Variants in HMGN1 observed in about 807,000 individuals in gnomAD.
HMGN1 encodes high mobility group nucleosome binding domain 1, also known as non-histone chromosomal protein HMG-14.
Under a neutral mutation model 18.4 loss-of-function variants are expected in HMGN1, and 9 were observed. The ratio of observed to expected loss-of-function variants is 0.49; its 90% CI spans 0.29 to 0.85. The LOEUF (loss-of-function observed/expected upper bound fraction) is 0.85, where lower values mean the gene tolerates loss of function less well. Among genes scored for constraint, HMGN1 ranks in the 40% least tolerant of loss-of-function variants. The probability of loss-of-function intolerance (pLI) is 0.07; values close to 1 mark genes in which losing one functional copy is unlikely to be tolerated. For missense variants in HMGN1, 151 were observed against 119.2 expected, an observed-to-expected ratio of 1.27 and a Z score of -1.24; for synonymous variants, 59 against 45.0, an observed-to-expected ratio of 1.31 and a Z score of -1.24.
intron 1 of HMGN1, 113 bp downstream of exon 1, chr21:39,348,790 C>T: frequency 2.8e-6 from 3 of 1,079,000 alleles, no homozygotes; most frequent in Non-Finnish European, 2.4e-6. Flanking sequence ...GGTCTCCAAG[C>T]GCCTCCCGGG....
intron 4 of HMGN1, chr21:39,346,001 A>AT: frequency 8.1e-7 from 1 of 1,232,914 alleles, no homozygotes; most frequent in Non-Finnish European, 1.1e-6. Context: ...AACTTGATAC[A>AT]TTAAGTTCAA....
chr21:39,343,245 A>G lies in HMGN1; in HGVS notation c.256-86T>C, dbSNP rs892315969. 1.7e-5 allele frequency: 22 copies of G among 1,324,562 alleles called. No homozygotes were observed. In the African/African-American group the frequency reaches 2.5e-4, roughly 15 times the overall value. The allele number at this position is 1,324,562 out of a possible 1,614,324, so 82.1% of individuals were successfully genotyped here. On this transcript the variant is annotated intron_variant, in intron 5 of 5. Transcript: ENST00000380749. Reference sequence around the variant, plus strand: ...CAACTATCAGGTCTTTAAAAAAGTCAATAACCTTTGTTATTTGTAAAGTCA... The same window carrying G: ...CAACTATCAGGTCTTTAAAAAAGTCGATAACCTTTGTTATTTGTAAAGTCA...
intron 4 of HMGN1, chr21:39,347,465 T>C (rs2037095661): frequency 7.7e-7 from 1 of 1,294,076 alleles, no homozygotes; most frequent in South Asian, 1.2e-5. Context: ...ATGACTGCAG[T>C]GCTAAACTTC....
Position 39,348,458 on chromosome 21 carries a change from G to A in HMGN1, c.49-7C>T, listed in dbSNP as rs375038416. ...GCGCCGATCTCCTCTTGGGCTTGGAGAAAGAAAAAGGAGAGTCAGCGAGAA... is the reference window on the plus strand; with the variant it reads ...GCGCCGATCTCCTCTTGGGCTTGGAAAAAGAAAAAGGAGAGTCAGCGAGAA... On this transcript the variant is annotated splice_region_variant and splice_polypyrimidine_tract_variant and intron_variant, in intron 2 of 5. Coordinates refer to ENST00000380749, the MANE Select transcript of HMGN1 (RefSeq NM_004965.7). The A allele has an allele frequency of 2.4e-5, 38 of 1,614,156 alleles. No homozygotes were observed. Among genetic ancestry groups the A allele is most frequent in the African/African-American group, 1.2e-4 (9 of 75,044 alleles).
At chr21:39,345,052 C>T in intron 5 of HMGN1, 94 bp downstream of exon 5, 1 of 1,384,666 alleles carries the variant, frequency 7.2e-7, no homozygotes, top group Non-Finnish European at 9.6e-7. Flanking sequence ...ATAATGAATA[C>T]TGTTATCTGC....
intron 4 of HMGN1, chr21:39,347,300 A>T: frequency 5.2e-6 from 5 of 959,358 alleles, no homozygotes; most frequent in Non-Finnish European, 6.6e-6. Context: ...TTTCTGTTAA[A>T]GAAAACATAG....
intron 1 of HMGN1, 118 bp from the exon 2 acceptor site, chr21:39,348,695 G>C: frequency 1.5e-6 from 2 of 1,295,206 alleles, no homozygotes; most frequent in African/African-American, 1.5e-5. Context: ...CGCCCCGTTC[G>C]AATAGCCCCC....
chr21:39,348,478 C>T, intron 2 of HMGN1, 27 bp from the exon 3 acceptor site: 1 of 1,614,102 alleles, frequency 6.2e-7, no homozygotes, highest in Non-Finnish European at 8.5e-7. Context: ...GGAGAGTCAG[C>T]GAGAAGAGAA....
chr21:39,342,831 G>A lies in HMGN1; in HGVS notation c.*281C>T. 7.0e-7 allele frequency: 1 copy of A among 1,438,166 alleles called. No individual in the cohort carries two copies. The highest frequency in any genetic ancestry group is 1.2e-5 in the South Asian group (1 of 82,256). 89.1% of individuals were successfully genotyped at this position (1,438,166 alleles called of 1,614,324 possible). On this transcript the variant is annotated 3_prime_UTR_variant, in exon 6 of 6. Transcript: ENST00000380749. The stretch of plus-strand genomic sequence containing the variant: ...ATATAAAAACTAACCCCCCATCTGT[G>A]GAATGTTAAGCTGACACCCGAGACA...
At chr21:39,346,815 T>A (rs1217091417) in intron 4 of HMGN1, 1 of 152,226 alleles carries the variant, frequency 6.6e-6, no homozygotes, top group Admixed American at 6.6e-5. Flanking sequence ...CCTTCTGCCC[T>A]TTTTCCTTTT....
rs368190634 is a variant in HMGN1, at chr21:39,348,447, T to C, written c.53A>G (p.Lys18Arg). 2.2e-5 allele frequency: 36 copies of C among 1,614,092 alleles called. No homozygotes were observed. Among genetic ancestry groups the C allele is most frequent in the Non-Finnish European group, 3.1e-5 (36 of 1,180,022 alleles). ...SAEGAAKEEP[K>R]RRSARLSAKP... Reference sequence around the variant, plus strand: ...AGCTGACAACCGCGCCGATCTCCTCTTGGGCTTGGAGAAAGAAAAAGGAGA... The same window carrying C: ...AGCTGACAACCGCGCCGATCTCCTCCTGGGCTTGGAGAAAGAAAAAGGAGA... Residue 18 changes from lysine (K) to arginine (R), a missense_variant, in exon 3 of 6, where the codon AAG (lysine) becomes AGG (arginine). Coordinates refer to ENST00000380749, the MANE Select transcript of HMGN1 (RefSeq NM_004965.7).
chr21:39,347,187 A>G, intron 4 of HMGN1: 2 of 324,836 alleles, frequency 6.2e-6, no homozygotes, highest in Non-Finnish European at 1.0e-5. Flanking sequence ...GTATACAGAG[A>G]ATTACCACAT....
chr21:39,347,234 A>C (rs947029037), intron 4 of HMGN1: 2 of 571,444 alleles, frequency 3.5e-6, no homozygotes, highest in African/African-American at 4.0e-5. Context: ...GTTGAAAAAT[A>C]CTATTCTCAT....
chr21:39,348,361 G>A, intron 3 of HMGN1, 22 bp from the exon 4 acceptor site: 3 of 1,614,174 alleles, frequency 1.9e-6, no homozygotes, highest in Non-Finnish European at 2.5e-6. Context: ...AAGCAGCACT[G>A]AGCGTCCTCA....
At chr21:39,344,348 G>T (rs909774697) in intron 5 of HMGN1, among the ~76,000 whole-genome samples, 7 of 150,796 alleles carry the variant, frequency 4.6e-5, no homozygotes, top group African/African-American at 1.5e-4. Context: ...TTAGGAATAA[G>T]TAGTTTATAA....
intron 1 of HMGN1, 145 bp from the exon 2 acceptor site, chr21:39,348,722 C>A: frequency 8.6e-7 from 1 of 1,160,032 alleles, no homozygotes; most frequent in East Asian, 3.0e-5. Context: ...CCCCCGGCCG[C>A]CAAACGTTCC....
At chr21:39,348,659 G>A (rs1208445092) in intron 1 of HMGN1, 82 bp from the exon 2 acceptor site, 1 of 1,459,936 alleles carries the variant, frequency 6.8e-7, no homozygotes, top group Non-Finnish European at 9.1e-7. Context: ...AACAATGCCC[G>A]GCCGCGTGAC....
Position 39,349,075 on chromosome 21 carries a change from T to G in HMGN1, c.-158A>C, listed in dbSNP as rs2037178828. The G allele has an allele frequency of 1.2e-6, 1 of 839,406 alleles. No individual in the cohort carries two copies. Among genetic ancestry groups the G allele is most frequent in the Non-Finnish European group, 1.5e-6 (1 of 649,524 alleles). The allele number at this position is 839,406 out of a possible 1,614,324, so 52.0% of individuals were successfully genotyped here. On this transcript the variant is annotated 5_prime_UTR_variant, in exon 1 of 6. Coordinates refer to ENST00000380749, the MANE Select transcript of HMGN1 (RefSeq NM_004965.7). ...CTGCTGAGACCCACAGCGGGGGCGG[T>G]GGGAGAACCGGATGGAACCGGATTG...
chr21:39,348,738 G>A (rs2146861684), intron 1 of HMGN1, 161 bp from the exon 2 acceptor site: 6 of 1,084,808 alleles, frequency 5.5e-6, no homozygotes, highest in Admixed American at 4.0e-5. Context: ...GTTCCAGAAC[G>A]CCCGCCCCCG....
Sources: allele counts gnomAD v4.1 joint callset (sites outside exome capture counted in the v4.1 genomes callset), GRCh38; gene constraint gnomAD v4.1.1; transcripts MANE v1.5; gene names NCBI Gene and HGNC (gene_info 2026-07-23, HGNC 2026-07-21).